Variants in B3GALT1 observed in about 807,000 individuals in gnomAD.
B3GALT1 encodes UDP-Gal:betaGlcNAc beta 1,3-galactosyltransferase, polypeptide 1.
A neutral mutation model predicts 23.2 loss-of-function variants in B3GALT1; 10 were observed. That is an observed-to-expected ratio of 0.43 (90% CI 0.27 to 0.73). The LOEUF (loss-of-function observed/expected upper bound fraction) is 0.73, where lower values mean the gene tolerates loss of function less well. Ranked by LOEUF, B3GALT1 falls within the 30% of genes least tolerant of loss-of-function variation. The pLI is 0.21. For synonymous variants in B3GALT1, 156 were observed against 141.5 expected, an observed-to-expected ratio of 1.10 and a Z score of -0.73; for missense variants, 299 against 405.4, an observed-to-expected ratio of 0.74 and a Z score of 2.25.
intron 2 of B3GALT1, among the ~76,000 whole-genome samples, chr2:167,512,395 TGATTTTATAA>T (rs1236648214): frequency 1.3e-5 from 2 of 150,884 alleles, no homozygotes; most frequent in East Asian, 3.9e-4. Context: ...ATGTATTGAA[TGATTTTATAA>T]TGTTAAACCA....
chr2:167,715,757 T>C, intron 3 of B3GALT1: 3 of 1,613,218 alleles, frequency 1.9e-6, no homozygotes, highest in Non-Finnish European at 1.7e-6. Flanking sequence ...ATAGCCTTCA[T>C]ACTCTTTTGG....
At chr2:167,746,711 A>G (rs1437864275) in intron 3 of B3GALT1, among the ~76,000 whole-genome samples, 1 of 152,232 alleles carries the variant, frequency 6.6e-6, no homozygotes, top group Non-Finnish European at 1.5e-5. Context: ...TCCATGTTAT[A>G]CACTAATTAA....
intron 1 of B3GALT1, among the ~76,000 whole-genome samples, chr2:167,358,672 A>T (rs1005240983): frequency 6.6e-6 from 1 of 152,084 alleles, no homozygotes. Context: ...AACACTATAT[A>T]CTATACACTA....
chr2:167,634,886 G>A (rs557106516), intron 2 of B3GALT1, among the ~76,000 whole-genome samples: 1 of 152,168 alleles, frequency 6.6e-6, no homozygotes, highest in East Asian at 1.9e-4. Flanking sequence ...ACCTGGCAGA[G>A]ACACAACAAA....
chr2:167,328,181 CT>C (rs1265328764), intron 1 of B3GALT1, among the ~76,000 whole-genome samples: 1 of 152,098 alleles, frequency 6.6e-6, no homozygotes, highest in Non-Finnish European at 1.5e-5. Flanking sequence ...CTGTAGTTTT[CT>C]TTTCCTGTTG....
intron 1 of B3GALT1, among the ~76,000 whole-genome samples, chr2:167,341,488 C>G (rs113385984): frequency 6.6e-6 from 1 of 152,026 alleles, no homozygotes; most frequent in Non-Finnish European, 1.5e-5. Flanking sequence ...GTGGCGAAAC[C>G]CTGTCTCTAC....
At chr2:167,758,649 T>C (rs531397130) in intron 3 of B3GALT1, among the ~76,000 whole-genome samples, 1 of 152,290 alleles carries the variant, frequency 6.6e-6, no homozygotes, top group South Asian at 2.1e-4. Context: ...CATTGTCTCC[T>C]GGCCTGTTTC....
intron 1 of B3GALT1, among the ~76,000 whole-genome samples, chr2:167,375,502 T>C (rs1040669755): frequency 6.6e-6 from 1 of 152,192 alleles, no homozygotes; most frequent in African/African-American, 2.4e-5. Context: ...GTTTGTTTCA[T>C]CTATGATTTC....
At chr2:167,549,970 TA>T (rs1255310849) in intron 2 of B3GALT1, among the ~76,000 whole-genome samples, 1 of 152,214 alleles carries the variant, frequency 6.6e-6, no homozygotes, top group Non-Finnish European at 1.5e-5. Flanking sequence ...TTCTCCATAA[TA>T]TTTTTTAAGG....
At chr2:167,778,371 TGTCTTCTA>T (rs566578422) in intron 3 of B3GALT1, among the ~76,000 whole-genome samples, 34 of 152,308 alleles carry the variant, frequency 2.2e-4, no homozygotes, top group Non-Finnish European at 4.6e-4. Flanking sequence ...CTATACCTTT[TGTCTTCTA>T]TTCTTCTATC....
At chr2:167,688,455 TATAAA>T (rs1166754842) in intron 3 of B3GALT1, among the ~76,000 whole-genome samples, 5 of 151,838 alleles carry the variant, frequency 3.3e-5, no homozygotes, top group Admixed American at 2.6e-4. Flanking sequence ...CATCAAAAAA[TATAAA>T]ATATGAAGAA....
intron 3 of B3GALT1, among the ~76,000 whole-genome samples, chr2:167,805,962 A>T (rs1251993954): frequency 6.6e-6 from 1 of 151,444 alleles, no homozygotes; most frequent in Non-Finnish European, 1.5e-5. Flanking sequence ...ACCCATGAGC[A>T]TGGAATGTTC....
At chr2:167,445,751 G>A (rs1698974840) in intron 1 of B3GALT1, among the ~76,000 whole-genome samples, 1 of 152,068 alleles carries the variant, frequency 6.6e-6, no homozygotes, top group African/African-American at 2.4e-5. Context: ...TTGAGCTGAT[G>A]TGTGTCTCTG....
intron 2 of B3GALT1, among the ~76,000 whole-genome samples, chr2:167,615,534 A>AT (rs1356531572): frequency 2.0e-5 from 3 of 152,106 alleles, no homozygotes; most frequent in African/African-American, 7.2e-5. Context: ...AGAAAAGTAG[A>AT]TTTTAATGTT....
chr2:167,330,521 G>A (rs938501197), intron 1 of B3GALT1, among the ~76,000 whole-genome samples: 1 of 152,044 alleles, frequency 6.6e-6, no homozygotes, highest in African/African-American at 2.4e-5. Context: ...GAGGTGGGAG[G>A]ATCACCTGAG....
At chr2:167,446,110 C>T (rs749659582) in intron 1 of B3GALT1, among the ~76,000 whole-genome samples, 1 of 152,198 alleles carries the variant, frequency 6.6e-6, no homozygotes, top group Non-Finnish European at 1.5e-5. Context: ...TTCTATTTCT[C>T]CTTCACTTAT....
At chr2:167,522,709 A>C (rs1312363508) in intron 2 of B3GALT1, among the ~76,000 whole-genome samples, 1 of 152,216 alleles carries the variant, frequency 6.6e-6, no homozygotes, top group Non-Finnish European at 1.5e-5. Context: ...AAATCTGTAC[A>C]CATTGAAAAA....
At chr2:167,424,249 G>A (rs1277640014) in intron 1 of B3GALT1, among the ~76,000 whole-genome samples, 1 of 152,150 alleles carries the variant, frequency 6.6e-6, no homozygotes, top group Non-Finnish European at 1.5e-5. Context: ...AGAAAACAAT[G>A]TCTTCCTAAG....
At chr2:167,724,360 T>C (rs1374779096) in intron 3 of B3GALT1, among the ~76,000 whole-genome samples, 1 of 152,212 alleles carries the variant, frequency 6.6e-6, no homozygotes, top group East Asian at 1.9e-4. Flanking sequence ...AGGGCAGCGC[T>C]AGTATTTCCC....
Sources: allele counts gnomAD v4.1 joint callset (sites outside exome capture counted in the v4.1 genomes callset), GRCh38; gene constraint gnomAD v4.1.1; transcripts MANE v1.5; gene names NCBI Gene and HGNC (gene_info 2026-07-23, HGNC 2026-07-21).